The following FRMD6 variants were observed in gnomAD, a reference collection of about 807,000 sequenced individuals.
FRMD6 encodes the protein FERM domain-containing protein 6.
Under a neutral mutation model 73.2 loss-of-function variants are expected in FRMD6, and 37 were observed. That is an observed-to-expected ratio of 0.51 (90% CI 0.39 to 0.66). The LOEUF (loss-of-function observed/expected upper bound fraction) is 0.66, where lower values mean the gene tolerates loss of function less well. Ranked by LOEUF, FRMD6 falls within the 30% of genes least tolerant of loss-of-function variation. The pLI is 0.00. For synonymous variants in FRMD6, 273 were observed against 282.2 expected, an observed-to-expected ratio of 0.97 and a Z score of 0.33; for missense variants, 714 against 780.5, an observed-to-expected ratio of 0.91 and a Z score of 1.02.
chr14:51,565,733 G>A (rs958165390), intron 1 of FRMD6, among the ~76,000 whole-genome samples: 3 of 143,730 alleles, frequency 2.1e-5, no homozygotes, highest in Non-Finnish European at 3.1e-5. Flanking sequence ...GGGAACAGCA[G>A]CAGTTCTAGA....
intron 1 of FRMD6, among the ~76,000 whole-genome samples, chr14:51,525,124 G>T (rs868110615): frequency 4.5e-5 from 6 of 133,480 alleles, no homozygotes; most frequent in South Asian, 2.5e-4. Flanking sequence ...GATAGATAGA[G>T]ACAGATGATA....
intron 2 of FRMD6, among the ~76,000 whole-genome samples, chr14:51,606,750 C>T (rs371453595): frequency 5.9e-5 from 9 of 152,098 alleles, no homozygotes; most frequent in East Asian, 5.8e-4. Flanking sequence ...GACCGTGACA[C>T]GCCATACACA....
At position 51,711,573 on chromosome 14, in the gene FRMD6, A is replaced by G. The variant is rs762333279; in HGVS notation, c.757A>G (p.Met253Val). Residue 253 changes from methionine (M) to valine (V), a missense_variant, in exon 8 of 14, where the codon ATG (methionine) becomes GTG (valine). Met to Val is a conservative substitution (Grantham distance 21). Coordinates refer to ENST00000344768, the MANE Select transcript of FRMD6 (RefSeq NM_001267046.2). Reference protein sequence around the residue: ...IEASLTLGLTMRGIQIFQNLD... With the variant: ...IEASLTLGLTVRGIQIFQNLD... The stretch of plus-strand genomic sequence containing the variant: ...AGCATCGCTGACTCTTGGATTGACC[A>G]TGAGGGGAATACAGATTTTTCAGGT... The G allele has an allele frequency of 2.5e-6, 4 of 1,607,410 alleles. No homozygotes were observed. In the South Asian group the frequency reaches 3.3e-5, roughly 13 times the overall value.
Position 51,728,080 on chromosome 14 carries a change from C to T in FRMD6, c.*51C>T, listed in dbSNP as rs374771129. ...GCAGCTTACTGTTTGCTAGAGGATG[C>T]GAAAGTCATAAGTTCTTTACATATT... On this transcript the variant is annotated 3_prime_UTR_variant, in exon 14 of 14. Transcript: ENST00000344768. The T allele has an allele frequency of 6.1e-5, 93 of 1,529,008 alleles. No homozygotes were observed. The African/African-American group carries it at 9.9e-4, about 16-fold the overall frequency. The allele number at this position is 1,529,008 out of a possible 1,614,324, so 94.7% of individuals were successfully genotyped here. A position where few individuals can be genotyped will look rare whatever the true frequency, so the allele number is the denominator to read the frequency against.
chr14:51,419,129 G>A, the FRMD6 span, among the ~76,000 whole-genome samples: 14 of 152,244 alleles, frequency 9.2e-5, no homozygotes, highest in South Asian at 4.1e-4. Context: ...AACTCCTTAC[G>A]CTTCCTGTGT....
chr14:51,492,504 G>A (rs549013208), intron 1 of FRMD6, among the ~76,000 whole-genome samples: 4 of 151,960 alleles, frequency 2.6e-5, no homozygotes, highest in South Asian at 2.1e-4. Flanking sequence ...GCAGCATACC[G>A]AGACCTATCC....
In FRMD6 at chr14:51,568,211, G is replaced by A. The variant is rs576444938; in HGVS notation, c.-209-2137G>A. 2.3e-3 allele frequency among the ~76,000 whole-genome samples: 350 copies of A among 152,360 alleles called. 3 individuals carry two copies. Among genetic ancestry groups the A allele is most frequent in the Non-Finnish European group, 3.7e-3 (251 of 68,034 alleles). On this transcript the variant is annotated intron_variant, in intron 1 of 14. Coordinates refer to the FRMD6 transcript ENST00000356218. Reference sequence around the variant, plus strand: ...CCTTACAAGCCTTGACTGTGAATGAGAAATTTTCTGAGCCAATTCTTGTCT... The same window carrying A: ...CCTTACAAGCCTTGACTGTGAATGAAAAATTTTCTGAGCCAATTCTTGTCT...
At chr14:51,414,437 C>A in the FRMD6 span, among the ~76,000 whole-genome samples, 1 of 152,262 alleles carries the variant, frequency 6.6e-6, no homozygotes, top group South Asian at 2.1e-4. Flanking sequence ...TTGTGTTTGT[C>A]AGGTTTGTCA....
chr14:51,618,440 C>T (rs1177542837), intron 2 of FRMD6, among the ~76,000 whole-genome samples: 2 of 152,122 alleles, frequency 1.3e-5, no homozygotes, highest in Admixed American at 1.3e-4. Flanking sequence ...TTGCTTTGAG[C>T]AGAACAGACT....
chr14:51,685,147 A>G (rs1895066722), intron 1 of FRMD6, among the ~76,000 whole-genome samples: 1 of 152,324 alleles, frequency 6.6e-6, no homozygotes, highest in Non-Finnish European at 1.5e-5. Context: ...AATGCTAGCT[A>G]TCATTAGCAC....
At position 51,557,324 on chromosome 14, in the gene FRMD6, G is replaced by A. The variant is rs563606742; in HGVS notation, c.-209-13024G>A. ...TTATTCAGCCTTTAAAGAGAAGAAGGAAATCCTGTCACTTTCAATGACATG... is the reference window on the plus strand; with the variant it reads ...TTATTCAGCCTTTAAAGAGAAGAAGAAAATCCTGTCACTTTCAATGACATG... On this transcript the variant is annotated intron_variant, in intron 1 of 14. Coordinates refer to the FRMD6 transcript ENST00000356218. Among the ~76,000 whole-genome samples the A allele has an allele frequency of 2.9e-3, 442 of 151,892 alleles. 1 individual carries two copies. The highest frequency in any genetic ancestry group is 0.011 in the African/African-American group (436 of 41,416).
the FRMD6 span, among the ~76,000 whole-genome samples, chr14:51,472,264 T>C: frequency 6.6e-6 from 1 of 152,100 alleles, no homozygotes. Flanking sequence ...TCTAGGGACT[T>C]CTTTCTCTGG....
intron 1 of FRMD6, among the ~76,000 whole-genome samples, chr14:51,565,942 A>T (rs1002883480): frequency 2.0e-5 from 3 of 152,206 alleles, no homozygotes; most frequent in Non-Finnish European, 1.5e-5. Flanking sequence ...AGGCGGGCAG[A>T]TCATGAGGTC....
intron 2 of FRMD6, among the ~76,000 whole-genome samples, chr14:51,604,099 T>C (rs1890149154): frequency 6.6e-6 from 1 of 152,204 alleles, no homozygotes; most frequent in Non-Finnish European, 1.5e-5. Flanking sequence ...CTTTGTCATT[T>C]GGTCAGGAAG....
At position 51,730,384 on chromosome 14, in the gene FRMD6, A is replaced by G. The variant is rs1331036621; in HGVS notation, c.*2355A>G. The G allele has an allele frequency of 1.3e-5, 2 of 152,258 alleles. No homozygotes were observed. The highest frequency in any genetic ancestry group is 3.2e-3 in the Middle Eastern group (1 of 316). 9.4% of individuals were successfully genotyped at this position (152,258 alleles called of 1,614,324 possible). The stretch of plus-strand genomic sequence containing the variant: ...AGCAGAATTATATATATGTATAGGA[A>G]AAATCCACTTTGAATAATCCATGTT... On this transcript the variant is annotated 3_prime_UTR_variant, in exon 14 of 14. Coordinates refer to ENST00000344768, the MANE Select transcript of FRMD6 (RefSeq NM_001267046.2).
At chr14:51,594,306 TTTTATTTATTTA>T (rs148367741) in intron 2 of FRMD6, among the ~76,000 whole-genome samples, 29 of 143,068 alleles carry the variant, frequency 2.0e-4, no homozygotes, top group Admixed American at 6.2e-4. Flanking sequence ...TGTATTTTAT[TTTTATTTATTTA>T]TTTATTTATT....
At chr14:51,550,732 T>G (rs565601669) in intron 1 of FRMD6, among the ~76,000 whole-genome samples, 3 of 152,182 alleles carry the variant, frequency 2.0e-5, no homozygotes, top group African/African-American at 7.2e-5. Flanking sequence ...TCACTACTTG[T>G]GTGATCTTGG....
intron 2 of FRMD6, among the ~76,000 whole-genome samples, chr14:51,631,217 C>T (rs1384310709): frequency 1.3e-5 from 2 of 152,126 alleles, no homozygotes; most frequent in Non-Finnish European, 2.9e-5. Context: ...CATTGCCACC[C>T]ACCACCACCT....
intron 1 of FRMD6, among the ~76,000 whole-genome samples, chr14:51,658,164 T>G (rs1035873322): frequency 8.5e-5 from 13 of 152,288 alleles, no homozygotes; most frequent in African/African-American, 2.9e-4. Context: ...ATGGGTGCCC[T>G]TTTCTGATTA....
Sources: allele counts gnomAD v4.1 joint callset (sites outside exome capture counted in the v4.1 genomes callset), GRCh38; gene constraint gnomAD v4.1.1; transcripts MANE v1.5; gene names NCBI Gene and HGNC (gene_info 2026-07-23, HGNC 2026-07-21).